The following VHL variants were observed in gnomAD, a reference collection of about 807,000 sequenced individuals.
The protein encoded by VHL is von Hippel-Lindau disease tumor suppressor.
VHL carries 10 observed loss-of-function variants against 19.2 expected under a neutral mutation model. The observed-to-expected ratio is 0.52, with a 90% CI of 0.32 to 0.89. The LOEUF is 0.89. Ranked by LOEUF, VHL falls within the 40% of genes least tolerant of loss-of-function variation. VHL has a pLI of 0.03. For synonymous variants in VHL, 167 were observed against 129.5 expected, an observed-to-expected ratio of 1.29 and a Z score of -1.97; for missense variants, 328 against 292.7, an observed-to-expected ratio of 1.12 and a Z score of -0.88.
At chr3:10,146,002 A>T (rs113435866) in intron 1 of VHL, among the ~76,000 whole-genome samples, 544 of 48,358 alleles carry the variant, frequency 0.011, 4 homozygotes, top group African/African-American at 0.027. Flanking sequence ...TGAGCATGTC[A>T]CTTCTCTCAG....
rs759418244 is a variant in VHL at position 10,149,896 on chromosome 3, C to T, written c.573C>T (p.His191=). Residue 191 remains histidine (H), a synonymous_variant, in exon 3 of 3, where the codon CAC becomes CAT. Transcript: ENST00000256474. ...VRSLYEDLED[H]PNVQKDLERL... is the part of the protein sequence containing the mutation. The stretch of plus-strand genomic sequence containing the variant: ...CGCTCTACGAAGATCTGGAAGACCA[C>T]CCAAATGTGCAGAAAGACCTGGAGC... 1.2e-6 allele frequency: 2 copies of T among 1,614,186 alleles called. No individual in the cohort carries two copies. Among genetic ancestry groups the T allele is most frequent in the South Asian group, 1.1e-5 (1 of 91,084 alleles).
rs71307724 is a variant in VHL at position 10,148,315 on chromosome 3, CTT to C, written c.464-1456_464-1455del. ...ACCCAATTCAGTTGTACTAGATTTT[CTT>C]TTTTTTTTTTTTTTTGAGACGGAGT... On this transcript the variant is annotated intron_variant, in intron 2 of 2. Transcript: ENST00000256474. Among the ~76,000 whole-genome samples the C allele has an allele frequency of 5.2e-3, 655 of 125,454 alleles. 7 individuals carry two copies. Among genetic ancestry groups the C allele is most frequent in the African/African-American group, 0.019 (600 of 32,124 alleles). The allele number at this position is 125,454 out of a possible 152,430, so 82.3% of individuals were successfully genotyped here. A position where few individuals can be genotyped will look rare whatever the true frequency, so the allele number is the denominator to read the frequency against.
At position 10,141,984 on chromosome 3, in the gene VHL, A is replaced by C; in HGVS notation, c.137A>C (p.Glu46Ala). ...EESGPEESGP[E>A]ELGAEEEMEA... ...TCCGGCCCGGAAGAGTCCGGCCCGGAGGAACTGGGCGCCGAGGAGGAGATG... is the reference window on the plus strand; with the variant it reads ...TCCGGCCCGGAAGAGTCCGGCCCGGCGGAACTGGGCGCCGAGGAGGAGATG... The change falls in exon 1 of 3, where the codon GAG becomes GCG. Residue 46 changes from glutamate (E) to alanine (A), a missense_variant. Coordinates refer to ENST00000256474, the MANE Select transcript of VHL (RefSeq NM_000551.4). The C allele has an allele frequency of 6.4e-7, 1 of 1,568,884 alleles. No individual in the cohort carries two copies. The highest frequency in any genetic ancestry group is 8.6e-7 in the Non-Finnish European group (1 of 1,158,610).
rs185103997 is a variant in VHL at position 10,147,868 on chromosome 3, G to A, written c.463+1232G>A. 2.0e-3 allele frequency among the ~76,000 whole-genome samples: 301 copies of A among 152,136 alleles called. 1 individual carries two copies. The highest frequency in any genetic ancestry group is 3.5e-3 in the Admixed American group (54 of 15,272). On this transcript the variant is annotated intron_variant, in intron 2 of 2. Transcript: ENST00000256474. ...GCACTTAGGGAGGCTATGGCGGGAGGGTCGCTTGAGACCAGGAGTTCTTGA... is the reference window on the plus strand; with the variant it reads ...GCACTTAGGGAGGCTATGGCGGGAGAGTCGCTTGAGACCAGGAGTTCTTGA...
intron 1 of VHL, among the ~76,000 whole-genome samples, chr3:10,145,625 A>C (rs1696236023): frequency 6.6e-6 from 1 of 151,476 alleles, no homozygotes; most frequent in Non-Finnish European, 1.5e-5. Context: ...AGAATGGCAT[A>C]AACCTGGGAG....
rs113026623 is a variant in VHL at position 10,145,304 on chromosome 3, C to T, written c.341-1210C>T. Reference sequence around the variant, plus strand: ...CAAATCTGTAAGTAAATTTATGCCCCGAGGAACAAGTGCTATATTTATTCT... The same window carrying T: ...CAAATCTGTAAGTAAATTTATGCCCTGAGGAACAAGTGCTATATTTATTCT... On this transcript the variant is annotated intron_variant, in intron 1 of 2. Transcript: ENST00000256474. Among the ~76,000 whole-genome samples, 1,396 of 152,152 alleles carry T rather than the reference C, an allele frequency of 9.2e-3. 25 individuals carry two copies. The highest frequency in any genetic ancestry group is 0.032 in the African/African-American group (1,314 of 41,514).
Position 10,153,003 on chromosome 3 carries a change from G to A in VHL, c.*3038G>A, listed in dbSNP as rs1489668099. Among the ~76,000 whole-genome samples, 2 of 151,384 alleles carry A rather than the reference G, an allele frequency of 1.3e-5. No homozygotes were observed. The highest frequency in any genetic ancestry group is 2.9e-5 in the Non-Finnish European group (2 of 67,844). ...ACTTAAAATACAAAAATTGCCGGCC[G>A]CGGCGGCTCATGCCTGTAATCCCAG... is the stretch of plus-strand genomic sequence containing the variant. On this transcript the variant is annotated 3_prime_UTR_variant, in exon 3 of 3. Transcript: ENST00000256474.
chr3:10,147,408 AG>A (rs1696288958), intron 2 of VHL, among the ~76,000 whole-genome samples: 1 of 149,904 alleles, frequency 6.7e-6, no homozygotes, highest in African/African-American at 2.5e-5. Context: ...AGTGTCATCC[AG>A]GCTGGAGTGC....
At chr3:10,143,147 G>C (rs982399084) in intron 1 of VHL, 2 of 149,244 alleles carry the variant, frequency 1.3e-5, no homozygotes, top group Non-Finnish European at 1.5e-5. Flanking sequence ...CGGGAGTCTT[G>C]CTCTGCAAGC....
At chr3:10,144,667 A>G (rs1364712903) in intron 1 of VHL, among the ~76,000 whole-genome samples, 3 of 151,752 alleles carry the variant, frequency 2.0e-5, no homozygotes, top group African/African-American at 7.3e-5. Context: ...ATGCTCCACT[A>G]TGTCTGGCTA....
chr3:10,148,295 A>G (rs1696313291), intron 2 of VHL, among the ~76,000 whole-genome samples: 1 of 150,852 alleles, frequency 6.6e-6, no homozygotes, highest in East Asian at 1.9e-4. Context: ...GGGATACCCA[A>G]TTCAGTTGTA....
Position 10,150,352 on chromosome 3 carries a change from C to T in VHL, c.*387C>T, listed in dbSNP as rs1227140644. 2 of 1,231,942 alleles carry T rather than the reference C, an allele frequency of 1.6e-6. No individual in the cohort carries two copies. Among genetic ancestry groups the T allele is most frequent in the African/African-American group, 1.5e-5 (1 of 65,704 alleles). The allele number at this position is 1,231,942 out of a possible 1,614,324, so 76.3% of individuals were successfully genotyped here. ...ATGGATGTATAATACATCCATTCTACATCCGTAGCGGTTGGTGACTTGTCT... is the reference window on the plus strand; with the variant it reads ...ATGGATGTATAATACATCCATTCTATATCCGTAGCGGTTGGTGACTTGTCT... On this transcript the variant is annotated 3_prime_UTR_variant, in exon 3 of 3. Transcript: ENST00000256474.
In VHL at chr3:10,150,487, G is replaced by C. The variant is rs1696383500; in HGVS notation, c.*522G>C. On this transcript the variant is annotated 3_prime_UTR_variant, in exon 3 of 3. Coordinates refer to ENST00000256474, the MANE Select transcript of VHL (RefSeq NM_000551.4). Reference sequence around the variant, plus strand: ...GAGCCTTCAGTCAGGGTTTGTCAGAGGAACAAACCAGGGGACACTTTGTTA... The same window carrying C: ...GAGCCTTCAGTCAGGGTTTGTCAGACGAACAAACCAGGGGACACTTTGTTA... The C allele has an allele frequency of 5.7e-6, 3 of 522,506 alleles. No individual in the cohort carries two copies. Among genetic ancestry groups the C allele is most frequent in the Middle Eastern group, 6.8e-4 (1 of 1,470 alleles). 32.4% of individuals were successfully genotyped at this position (522,506 alleles called of 1,614,324 possible).
chr3:10,146,006 C>CTCT (rs2125127779), intron 1 of VHL, among the ~76,000 whole-genome samples: 1 of 6,000 alleles, frequency 1.7e-4, no homozygotes, highest in South Asian at 2.6e-3. Context: ...CATGTCACTT[C>CTCT]TCTCAGACTT....
intron 2 of VHL, among the ~76,000 whole-genome samples, chr3:10,148,121 AC>A (rs1559428878): frequency 6.6e-6 from 1 of 150,932 alleles, no homozygotes; most frequent in Admixed American, 6.6e-5. Context: ...AAACTCAAAA[AC>A]CCCCCAAATA....
At chr3:10,148,990 A>G (rs1156722704) in intron 2 of VHL, among the ~76,000 whole-genome samples, 2 of 151,624 alleles carry the variant, frequency 1.3e-5, no homozygotes, top group East Asian at 1.9e-4. Context: ...TTATTTGTTC[A>G]TAATTCTGTA....
intron 1 of VHL, chr3:10,142,635 C>T: frequency 5.5e-6 from 1 of 181,060 alleles, no homozygotes; most frequent in Non-Finnish European, 1.2e-5. Flanking sequence ...TGAGCCTCCG[C>T]GCCCGGCCCA....
chr3:10,142,323 C>T (rs1696145975), intron 1 of VHL, 136 bp downstream of exon 1: 19 of 679,260 alleles, frequency 2.8e-5, no homozygotes, highest in Middle Eastern at 4.1e-4. Context: ...TGACGCTGCT[C>T]GTAAGCGTCA....
At chr3:10,148,038 G>A (rs1346588357) in intron 2 of VHL, among the ~76,000 whole-genome samples, 1 of 151,760 alleles carries the variant, frequency 6.6e-6, no homozygotes, top group Non-Finnish European at 1.5e-5. Flanking sequence ...TGAGGCTGCA[G>A]TGAGCCATGA....
Sources: allele counts gnomAD v4.1 joint callset (sites outside exome capture counted in the v4.1 genomes callset), GRCh38; gene constraint gnomAD v4.1.1; transcripts MANE v1.5; gene names NCBI Gene and HGNC (gene_info 2026-07-23, HGNC 2026-07-21).